CCDC60: variants seen among roughly 807,000 people sequenced by gnomAD.
CCDC60 encodes coiled-coil domain containing 60.
Under a neutral mutation model 63.5 loss-of-function variants are expected in CCDC60, and 54 were observed. The ratio of observed to expected loss-of-function variants is 0.85; its 90% CI spans 0.68 to 1.07. The LOEUF (loss-of-function observed/expected upper bound fraction) is 1.07, where lower values mean the gene tolerates loss of function less well. CCDC60 is among the 50% of genes least tolerant of loss of function. The pLI, the probability that CCDC60 is intolerant of heterozygous loss-of-function variation, is 0.00. For missense variants in CCDC60, 651 were observed against 684.3 expected, an observed-to-expected ratio of 0.95 and a Z score of 0.54; for synonymous variants, 206 against 238.8, an observed-to-expected ratio of 0.86 and a Z score of 1.27.
chr12:119,501,483 A>G lies in CCDC60; in HGVS notation c.648+1315A>G, dbSNP rs542010272. Reference sequence around the variant, plus strand: ...CTGTTTATTAAACATAGTTTATTAAACATATAAACATCAATAGGTTTATTA... The same window carrying G: ...CTGTTTATTAAACATAGTTTATTAAGCATATAAACATCAATAGGTTTATTA... On this transcript the variant is annotated intron_variant, in intron 6 of 13. Transcript: ENST00000327554. 4.6e-5 allele frequency among the ~76,000 whole-genome samples: 7 copies of G among 152,336 alleles called. No individual in the cohort carries two copies. In the South Asian group the frequency reaches 1.4e-3, roughly 32 times the overall value.
At chr12:119,536,923 T>C (rs1345406882) in intron 13 of CCDC60, among the ~76,000 whole-genome samples, 2 of 152,130 alleles carry the variant, frequency 1.3e-5, no homozygotes, top group South Asian at 4.1e-4. Flanking sequence ...ATCTTTGTGG[T>C]GTTCTCTGTA....
intron 1 of CCDC60, among the ~76,000 whole-genome samples, chr12:119,343,874 A>G: frequency 6.6e-6 from 1 of 151,918 alleles, no homozygotes; most frequent in Non-Finnish European, 1.5e-5. Context: ...TGCAAAAAAC[A>G]ACTTCTTTCT....
intron 1 of CCDC60, among the ~76,000 whole-genome samples, chr12:119,352,539 CA>C (rs1220881234): frequency 1.3e-5 from 2 of 152,136 alleles, no homozygotes; most frequent in African/African-American, 4.8e-5. Flanking sequence ...CCCTGAAAAC[CA>C]GCCCAGTCTG....
chr12:119,407,355 AAAG>A (rs1454509609), intron 1 of CCDC60, among the ~76,000 whole-genome samples: 2 of 151,990 alleles, frequency 1.3e-5, no homozygotes, highest in Non-Finnish European at 2.9e-5. Flanking sequence ...AAAAAAAAGA[AAAG>A]AAAAGAAAAG....
rs1368858215 is a variant in CCDC60, at chr12:119,507,614, A to ATATTT, written c.883+2312_883+2313insATTTT. 6.3e-3 allele frequency among the ~76,000 whole-genome samples: 320 copies of ATATTT among 50,486 alleles called. 22 individuals carry two copies. Among genetic ancestry groups the ATATTT allele is most frequent in the Non-Finnish European group, 9.0e-3 (272 of 30,136 alleles). 33.1% of individuals were successfully genotyped at this position (50,486 alleles called of 152,430 possible). On this transcript the variant is annotated intron_variant, in intron 7 of 13. Transcript: ENST00000327554. ...TACATATATATATATATATATATAT[A>ATATTT]TTTTTTTTTTTTTTTTCTAGAAACA...
intron 5 of CCDC60, among the ~76,000 whole-genome samples, chr12:119,490,040 C>T (rs1176537678): frequency 6.6e-6 from 1 of 152,198 alleles, no homozygotes; most frequent in Non-Finnish European, 1.5e-5. Flanking sequence ...TCATGATCCG[C>T]CTGCCTCGGC....
At chr12:119,493,136 A>G (rs1346530045) in intron 5 of CCDC60, among the ~76,000 whole-genome samples, 1 of 152,124 alleles carries the variant, frequency 6.6e-6, no homozygotes, top group Non-Finnish European at 1.5e-5. Context: ...CTCCATCATC[A>G]AGCAACCAGT....
intron 7 of CCDC60, among the ~76,000 whole-genome samples, chr12:119,505,571 T>G (rs1225730178): frequency 1.3e-5 from 2 of 152,240 alleles, no homozygotes; most frequent in Non-Finnish European, 2.9e-5. Context: ...ATATTTTTAT[T>G]TAGGCTGGGC....
chr12:119,427,252 T>C (rs1956918432), intron 1 of CCDC60, among the ~76,000 whole-genome samples: 1 of 152,226 alleles, frequency 6.6e-6, no homozygotes, highest in African/African-American at 2.4e-5. Context: ...CTATGTCATT[T>C]CATATCTTTG....
intron 1 of CCDC60, among the ~76,000 whole-genome samples, chr12:119,367,760 G>A (rs1351287205): frequency 2.6e-5 from 4 of 152,186 alleles, no homozygotes; most frequent in Non-Finnish European, 5.9e-5. Context: ...CAAAATGAAA[G>A]AAGCTGGTCA....
At position 119,389,157 on chromosome 12, in the gene CCDC60, ATCCC is replaced by A. The variant is rs1555233942; in HGVS notation, c.91-39524_91-39521del. ...CAAGAAAGGCAATGCCTTAAGGAGCATCCCTTTACCAATGGCAGACAAATGATAA... is the reference window on the plus strand; with the variant it reads ...CAAGAAAGGCAATGCCTTAAGGAGCATTTACCAATGGCAGACAAATGATAA... On this transcript the variant is annotated intron_variant, in intron 1 of 13. Transcript: ENST00000327554. 7.6e-3 allele frequency among the ~76,000 whole-genome samples: 1,164 copies of A among 152,336 alleles called. 7 individuals are homozygous for A. The highest frequency in any genetic ancestry group is 0.012 in the Non-Finnish European group (822 of 68,030).
At chr12:119,535,508 G>T (rs1327940761) in intron 13 of CCDC60, among the ~76,000 whole-genome samples, 7 of 151,986 alleles carry the variant, frequency 4.6e-5, no homozygotes, top group African/African-American at 1.7e-4. Flanking sequence ...GTGATGTTAG[G>T]GTGTTGATTT....
chr12:119,381,563 A>G (rs1457631097), intron 1 of CCDC60, among the ~76,000 whole-genome samples: 1 of 152,164 alleles, frequency 6.6e-6, no homozygotes, highest in Non-Finnish European at 1.5e-5. Context: ...TGATACTCAG[A>G]CTCAGTGGTA....
At chr12:119,384,023 C>A (rs1956035550) in intron 1 of CCDC60, among the ~76,000 whole-genome samples, 1 of 152,072 alleles carries the variant, frequency 6.6e-6, no homozygotes, top group Non-Finnish European at 1.5e-5. Flanking sequence ...GGTGAAACCC[C>A]ATCTCTATTA....
At chr12:119,462,922 C>A (rs1035343760) in intron 2 of CCDC60, among the ~76,000 whole-genome samples, 6 of 152,078 alleles carry the variant, frequency 3.9e-5, no homozygotes, top group African/African-American at 1.4e-4. Context: ...CTCCCAGGTT[C>A]AAGTGATTCT....
chr12:119,416,148 A>G (rs1956694849), intron 1 of CCDC60, among the ~76,000 whole-genome samples: 1 of 152,108 alleles, frequency 6.6e-6, no homozygotes, highest in South Asian at 2.1e-4. Context: ...CTAGGAGGCC[A>G]AGGCAGGCGG....
intron 1 of CCDC60, among the ~76,000 whole-genome samples, chr12:119,339,178 G>C (rs1955505908): frequency 6.6e-6 from 1 of 152,234 alleles, no homozygotes; most frequent in Non-Finnish European, 1.5e-5. Flanking sequence ...GATCAGACAT[G>C]GGGGAGGGGA....
intron 5 of CCDC60, among the ~76,000 whole-genome samples, chr12:119,497,713 G>A (rs762952459): frequency 1.3e-5 from 2 of 150,662 alleles, no homozygotes; most frequent in African/African-American, 2.4e-5. Flanking sequence ...AGGGAAATGC[G>A]AAAAGCCCTG....
At chr12:119,438,979 G>A (rs1022596720) in intron 2 of CCDC60, among the ~76,000 whole-genome samples, 3 of 151,990 alleles carry the variant, frequency 2.0e-5, no homozygotes, top group Non-Finnish European at 4.4e-5. Flanking sequence ...GGAATTCAGA[G>A]CCCAGTAGCC....
Sources: gnomAD v4.1 joint callset for allele counts (sites outside exome capture counted in the v4.1 genomes callset) on GRCh38, gnomAD v4.1.1 for gene constraint, MANE v1.5 for transcripts, NCBI Gene and HGNC (gene_info 2026-07-23, HGNC 2026-07-21) for gene names.